ACOXL: variants seen among roughly 807,000 people sequenced by gnomAD.
The protein encoded by ACOXL is acyl-coenzyme A oxidase-like protein.
A neutral mutation model predicts 71.9 loss-of-function variants in ACOXL; 70 were observed. That is an observed-to-expected ratio of 0.97 (90% CI 0.80 to 1.19). The LOEUF (loss-of-function observed/expected upper bound fraction) is 1.19, where lower values mean the gene tolerates loss of function less well. ACOXL is among the 50% of genes most tolerant of loss of function. The probability of loss-of-function intolerance (pLI) is 0.00; values close to 1 mark genes in which losing one functional copy is unlikely to be tolerated. For synonymous variants in ACOXL, 253 were observed against 281.6 expected (o/e 0.90, Z 1.02); for missense variants, 703 against 736.3 (o/e 0.95, Z 0.52).
At chr2:110,962,455 G>T (rs935697812) in intron 12 of ACOXL, among the ~76,000 whole-genome samples, 1 of 152,210 alleles carries the variant, frequency 6.6e-6, no homozygotes, top group African/African-American at 2.4e-5. Context: ...TTCTGCTGGG[G>T]ACTCCTTTGC....
At chr2:110,750,626 AT>A (rs1406875817) in intron 1 of ACOXL, among the ~76,000 whole-genome samples, 1 of 148,982 alleles carries the variant, frequency 6.7e-6, no homozygotes, top group African/African-American at 2.4e-5. Context: ...ACATATACAT[AT>A]TATATATAAA....
At chr2:110,950,103 A>C (rs2061270289) in intron 12 of ACOXL, among the ~76,000 whole-genome samples, 1 of 152,078 alleles carries the variant, frequency 6.6e-6, no homozygotes, top group Non-Finnish European at 1.5e-5. Context: ...CACAATGTGC[A>C]GGTTAGTTAC....
intron 10 of ACOXL, among the ~76,000 whole-genome samples, chr2:110,881,130 CAT>C (rs972296399): frequency 4.6e-5 from 7 of 151,122 alleles, no homozygotes; most frequent in African/African-American, 1.5e-4. Flanking sequence ...TTGAACAGTT[CAT>C]ATATATATAT....
At chr2:110,951,212 T>C (rs1016740773) in intron 12 of ACOXL, among the ~76,000 whole-genome samples, 1 of 152,340 alleles carries the variant, frequency 6.6e-6, no homozygotes, top group Admixed American at 6.5e-5. Context: ...ATATCTATTA[T>C]AAAGTGTGTG....
chr2:110,866,783 C>A (rs2149014849), intron 10 of ACOXL, among the ~76,000 whole-genome samples: 1 of 152,298 alleles, frequency 6.6e-6, no homozygotes, highest in African/African-American at 2.4e-5. Context: ...CGCCCCATCT[C>A]CCCACTCACT....
chr2:110,959,840 G>C (rs2061634787), intron 12 of ACOXL, among the ~76,000 whole-genome samples: 1 of 152,136 alleles, frequency 6.6e-6, no homozygotes, highest in South Asian at 2.1e-4. Context: ...TTCAGTAAGG[G>C]CCAAGCAAGA....
At chr2:111,045,849 A>G (rs2149812760) in intron 15 of ACOXL, among the ~76,000 whole-genome samples, 1 of 152,308 alleles carries the variant, frequency 6.6e-6, no homozygotes, top group South Asian at 2.1e-4. Context: ...TGCTAGCCCC[A>G]TAAAACTCAG....
intron 12 of ACOXL, among the ~76,000 whole-genome samples, chr2:110,945,694 T>C (rs1298058841): frequency 6.6e-6 from 1 of 152,200 alleles, no homozygotes; most frequent in Non-Finnish European, 1.5e-5. Context: ...TCTGTTCCAT[T>C]GGTCTATATG....
intron 2 of ACOXL, among the ~76,000 whole-genome samples, chr2:110,772,738 G>C (rs1266728041): frequency 6.6e-6 from 1 of 152,176 alleles, no homozygotes; most frequent in Non-Finnish European, 1.5e-5. Context: ...CTCAAAGTAA[G>C]GCCCGAGGAC....
chr2:110,833,279 G>A (rs768927594), intron 9 of ACOXL, among the ~76,000 whole-genome samples: 16 of 152,148 alleles, frequency 1.1e-4, no homozygotes, highest in Non-Finnish European at 1.6e-4. Context: ...CTGCAACCTC[G>A]ATGAATCTCT....
chr2:110,848,829 A>G (rs959079945), intron 10 of ACOXL, among the ~76,000 whole-genome samples: 1 of 152,106 alleles, frequency 6.6e-6, no homozygotes, highest in South Asian at 2.1e-4. Flanking sequence ...TCTTTCGCAA[A>G]CACAGATCTG....
intron 16 of ACOXL, among the ~76,000 whole-genome samples, chr2:111,090,375 C>T (rs2068457656): frequency 6.6e-6 from 1 of 152,140 alleles, no homozygotes; most frequent in African/African-American, 2.4e-5. Flanking sequence ...AAAGACATTT[C>T]AGGTACTGTT....
intron 10 of ACOXL, among the ~76,000 whole-genome samples, chr2:110,899,280 A>G (rs1190277706): frequency 1.3e-5 from 2 of 152,158 alleles, no homozygotes; most frequent in African/African-American, 4.8e-5. Context: ...ATGGATGCAC[A>G]CTCTGAAGTG....
At chr2:111,042,394 G>A (rs2065825646) in intron 15 of ACOXL, among the ~76,000 whole-genome samples, 1 of 152,246 alleles carries the variant, frequency 6.6e-6, no homozygotes, top group African/African-American at 2.4e-5. Context: ...CCTGTGAGAG[G>A]TGCAGGCTCC....
At chr2:110,863,302 T>C (rs2148994964) in intron 10 of ACOXL, among the ~76,000 whole-genome samples, 1 of 152,360 alleles carries the variant, frequency 6.6e-6, no homozygotes, top group African/African-American at 2.4e-5. Context: ...GAGATGCTCA[T>C]GATATAATGT....
Position 110,784,773 on chromosome 2 carries a change from A to T in ACOXL, c.117A>T (p.Ile39=), listed in dbSNP as rs1297119975. ...ATTTTGTCAGCCGAAGCCTTGTCAT[A>T]GGAGAAGTCCTCTCCATGGCGGACA... ...TKNFVSRSLV[I]GEVLSMADMA... is the part of the protein sequence containing the mutation. Residue 39 remains isoleucine (I), a synonymous_variant, in exon 3 of 18, where the codon ATA becomes ATT. Coordinates refer to ENST00000439055, the MANE Select transcript of ACOXL (RefSeq NM_001142807.4). 1.2e-6 allele frequency: 2 copies of T among 1,610,360 alleles called. No homozygotes were observed. Among genetic ancestry groups the T allele is most frequent in the Non-Finnish European group, 1.7e-6 (2 of 1,178,622 alleles).
At chr2:110,900,350 G>C (rs1331373342) in intron 10 of ACOXL, among the ~76,000 whole-genome samples, 1 of 152,162 alleles carries the variant, frequency 6.6e-6, no homozygotes, top group Non-Finnish European at 1.5e-5. Flanking sequence ...AGGATGAGCA[G>C]CATCGCAGGT....
In ACOXL at chr2:110,739,980, G is replaced by A. The variant is rs79351722; in HGVS notation, c.-23+7206G>A. 6.0e-3 allele frequency among the ~76,000 whole-genome samples: 919 copies of A among 152,304 alleles called. 13 individuals carry two copies. The highest frequency in any genetic ancestry group is 0.021 in the African/African-American group (858 of 41,562). ...AAATATGTTCTGATATCCAGAACTT[G>A]TAGACCTGTATTTATGTGTTAGTGT... On this transcript the variant is annotated intron_variant, in intron 1 of 17. Coordinates refer to ENST00000439055, the MANE Select transcript of ACOXL (RefSeq NM_001142807.4).
chr2:110,966,542 C>A (rs574085728), intron 12 of ACOXL, among the ~76,000 whole-genome samples: 14 of 152,350 alleles, frequency 9.2e-5, no homozygotes, highest in African/African-American at 3.4e-4. Flanking sequence ...AGCCAGTGGA[C>A]ACTTTGACCT....
Sources: allele counts gnomAD v4.1 joint callset (sites outside exome capture counted in the v4.1 genomes callset), GRCh38; gene constraint gnomAD v4.1.1; transcripts MANE v1.5; gene names NCBI Gene and HGNC (gene_info 2026-07-23, HGNC 2026-07-21).